C8orf34: variants seen among roughly 807,000 people sequenced by gnomAD.
The protein encoded by C8orf34 is uncharacterized protein C8orf34.
Under a neutral mutation model 68.3 loss-of-function variants are expected in C8orf34, and 65 were observed. The ratio of observed to expected loss-of-function variants is 0.95; its 90% confidence interval spans 0.78 to 1.17. The LOEUF (loss-of-function observed/expected upper bound fraction) is 1.17. Among genes scored for constraint, C8orf34 ranks in the 50% most tolerant of loss-of-function variants. The probability of loss-of-function intolerance (pLI) is 0.00; values close to 1 mark genes in which losing one functional copy is unlikely to be tolerated. For missense variants in C8orf34, 664 were observed against 655.4 expected (o/e 1.01, Z -0.14); for synonymous variants, 244 against 241.2 (o/e 1.01, Z -0.11).
At chr8:68,416,750 C>G (rs959333557) in intron 1 of C8orf34, among the ~76,000 whole-genome samples, 4 of 151,960 alleles carry the variant, frequency 2.6e-5, no homozygotes, top group African/African-American at 9.7e-5. Context: ...AGGCTTGTCT[C>G]AAACTCCTGA....
intron 7 of C8orf34, among the ~76,000 whole-genome samples, chr8:68,541,247 G>A (rs1440761257): frequency 6.6e-6 from 1 of 151,970 alleles, no homozygotes; most frequent in Non-Finnish European, 1.5e-5. Context: ...ATGATTGCTT[G>A]AGTTCAGGAG....
In C8orf34 at chr8:68,704,986, A is replaced by G. The variant is rs190687723; in HGVS notation, c.1242-4008A>G. On this transcript the variant is annotated intron_variant, in intron 8 of 13. Transcript: ENST00000518698. ...CTGTAAGGAAACTACACAATAATCC[A>G]GACAAATCAAGATGAGAAATCACAC... 3.1e-4 allele frequency among the ~76,000 whole-genome samples: 47 copies of G among 152,332 alleles called. No individual in the cohort carries two copies. In the East Asian group the frequency reaches 8.1e-3, roughly 26 times the overall value.
At chr8:68,589,783 G>A (rs11986064) in intron 7 of C8orf34, among the ~76,000 whole-genome samples, 83,256 of 144,812 alleles carry the variant, frequency 0.57, 24,232 homozygotes, top group African/African-American at 0.64. Context: ...AATAAGGAAG[G>A]TGGAGAGAGA....
intron 7 of C8orf34, among the ~76,000 whole-genome samples, chr8:68,553,448 C>T (rs574441655): frequency 7.3e-6 from 1 of 137,334 alleles, no homozygotes; most frequent in South Asian, 2.4e-4. Context: ...GTTTATGAAA[C>T]ACCAGTACAA....
At chr8:68,535,958 T>C (rs1193715423) in intron 7 of C8orf34, 2 of 761,940 alleles carry the variant, frequency 2.6e-6, no homozygotes, top group Non-Finnish European at 3.2e-6. Flanking sequence ...TTAGTACAAA[T>C]ATTTTAGTAA....
At chr8:68,780,233 A>G (rs966794578) in intron 11 of C8orf34, among the ~76,000 whole-genome samples, 12 of 152,218 alleles carry the variant, frequency 7.9e-5, no homozygotes, top group Middle Eastern at 3.2e-3. Context: ...GCTGAAGTCA[A>G]TGAAGTCCCA....
intron 8 of C8orf34, among the ~76,000 whole-genome samples, chr8:68,644,142 A>C (rs912529607): frequency 6.6e-6 from 1 of 152,192 alleles, no homozygotes; most frequent in African/African-American, 2.4e-5. Context: ...AAAGGTCTAC[A>C]AATTAATTAT....
chr8:68,362,317 T>C (rs1201211321), intron 1 of C8orf34, among the ~76,000 whole-genome samples: 1 of 152,216 alleles, frequency 6.6e-6, no homozygotes, highest in Non-Finnish European at 1.5e-5. Context: ...CTCAATTTGA[T>C]GTTTTCATCA....
At chr8:68,709,796 A>G (rs775766402) in intron 9 of C8orf34, among the ~76,000 whole-genome samples, 1 of 152,202 alleles carries the variant, frequency 6.6e-6, no homozygotes, top group Admixed American at 6.6e-5. Context: ...CTTAGCAAAC[A>G]AACAATATCA....
intron 3 of C8orf34, among the ~76,000 whole-genome samples, chr8:68,461,741 TGAAA>T (rs1311280802): frequency 1.3e-5 from 2 of 152,202 alleles, no homozygotes; most frequent in African/African-American, 4.8e-5. Context: ...AAGCAAATGC[TGAAA>T]GATTTTGTCA....
In C8orf34 at chr8:68,560,734, G is replaced by A. The variant is rs951685119; in HGVS notation, c.1105+27585G>A. Among the ~76,000 whole-genome samples, 11 of 152,212 alleles carry A rather than the reference G, an allele frequency of 7.2e-5. No individual in the cohort carries two copies. In the East Asian group the frequency reaches 1.9e-3, roughly 27 times the overall value. On this transcript the variant is annotated intron_variant, in intron 7 of 13. Coordinates refer to ENST00000518698, the MANE Select transcript of C8orf34 (RefSeq NM_052958.4). ...AAAAATGGTATGCAAGATAAAAAAT[G>A]GTACTCCTGTACAGGACACTTAACA...
At chr8:68,452,198 A>C (rs1288771524) in intron 3 of C8orf34, among the ~76,000 whole-genome samples, 2 of 150,552 alleles carry the variant, frequency 1.3e-5, no homozygotes, top group African/African-American at 4.9e-5. Context: ...AAGCATTTTT[A>C]TTACCTTTTT....
intron 5 of C8orf34, among the ~76,000 whole-genome samples, chr8:68,516,458 C>T (rs1172926147): frequency 6.6e-6 from 1 of 152,064 alleles, no homozygotes; most frequent in Admixed American, 6.6e-5. Context: ...GTGCTGAGAA[C>T]CAGTGGTCAT....
At chr8:68,709,445 T>C (rs749096877) in intron 9 of C8orf34, among the ~76,000 whole-genome samples, 82 of 152,302 alleles carry the variant, frequency 5.4e-4, no homozygotes, top group South Asian at 1.4e-3. Flanking sequence ...CCCTTGTCAC[T>C]TGCTATACGT....
At chr8:68,660,560 G>C (rs1037575954) in intron 8 of C8orf34, among the ~76,000 whole-genome samples, 3 of 152,254 alleles carry the variant, frequency 2.0e-5, no homozygotes, top group South Asian at 2.1e-4. Flanking sequence ...CCCACGTAAT[G>C]GGGGGAGGGC....
intron 7 of C8orf34, among the ~76,000 whole-genome samples, chr8:68,558,302 A>G (rs1272281418): frequency 6.6e-6 from 1 of 152,152 alleles, no homozygotes; most frequent in Non-Finnish European, 1.5e-5. Context: ...TCTTCACCTC[A>G]TTTTAGGTTT....
At chr8:68,698,371 C>T (rs1243660095) in intron 8 of C8orf34, among the ~76,000 whole-genome samples, 1 of 152,074 alleles carries the variant, frequency 6.6e-6, no homozygotes, top group Non-Finnish European at 1.5e-5. Flanking sequence ...CTTAAACCGT[C>T]TTACCAAGGC....
intron 8 of C8orf34, among the ~76,000 whole-genome samples, chr8:68,683,420 G>T (rs1046227133): frequency 6.6e-6 from 1 of 151,390 alleles, no homozygotes; most frequent in African/African-American, 2.4e-5. Flanking sequence ...GACCTAACGG[G>T]GAGTACTGAT....
At chr8:68,782,775 A>C (rs1480176304) in intron 11 of C8orf34, among the ~76,000 whole-genome samples, 1 of 152,084 alleles carries the variant, frequency 6.6e-6, no homozygotes, top group Non-Finnish European at 1.5e-5. Flanking sequence ...ATCACTTTTG[A>C]GGCTGGGCGT....
Sources: allele counts gnomAD v4.1 joint callset (sites outside exome capture counted in the v4.1 genomes callset), GRCh38; gene constraint gnomAD v4.1.1; transcripts MANE v1.5; gene names NCBI Gene and HGNC (gene_info 2026-07-23, HGNC 2026-07-21).